Variants in EVI5 observed in about 807,000 individuals in gnomAD.
The protein encoded by EVI5 is ecotropic viral integration site 5, also known as ecotropic viral integration site 5 protein homolog.
A neutral mutation model predicts 112.0 loss-of-function variants in EVI5; 73 were observed. The ratio of observed to expected loss-of-function variants is 0.65; its 90% CI spans 0.54 to 0.79. The LOEUF (loss-of-function observed/expected upper bound fraction) is 0.79, where lower values mean the gene tolerates loss of function less well. EVI5 is among the 30% of genes least tolerant of loss of function. The pLI is 0.00. For synonymous variants in EVI5, 305 were observed against 319.9 expected, an observed-to-expected ratio of 0.95 and a Z score of 0.50; for missense variants, 900 against 968.8, an observed-to-expected ratio of 0.93 and a Z score of 0.94.
At chr1:92,625,558 A>G (rs970613447) in intron 15 of EVI5, 4 of 370,194 alleles carry the variant, frequency 1.1e-5, no homozygotes, top group South Asian at 1.3e-4. Flanking sequence ...CAATGGTACA[A>G]TGACAAAAAT....
intron 2 of EVI5, among the ~76,000 whole-genome samples, chr1:92,712,958 T>A (rs1013147928): frequency 6.6e-6 from 1 of 151,100 alleles, no homozygotes; most frequent in Non-Finnish European, 1.5e-5. Context: ...ATAAGATATA[T>A]ATATTAAGAT....
chr1:92,697,799 T>A lies in EVI5; in HGVS notation c.765+61A>T. Reference sequence around the variant, plus strand: ...AACATTAAATTTGCTTAGTTGGCACTCAGAACAAGATATAAAAAATATAAA... The same window carrying A: ...AACATTAAATTTGCTTAGTTGGCACACAGAACAAGATATAAAAAATATAAA... On this transcript the variant is annotated intron_variant, in intron 6 of 19. Transcript: ENST00000684568. 1.4e-6 allele frequency: 2 copies of A among 1,404,788 alleles called. 1 individual carries two copies. The highest frequency in any genetic ancestry group is 2.5e-5 in the South Asian group (2 of 80,402). The allele number at this position is 1,404,788 out of a possible 1,614,324, so 87.0% of individuals were successfully genotyped here. A position where few individuals can be genotyped will look rare whatever the true frequency, so the allele number is the denominator to read the frequency against.
At chr1:92,706,070 T>C (rs1671914037) in intron 2 of EVI5, among the ~76,000 whole-genome samples, 1 of 152,126 alleles carries the variant, frequency 6.6e-6, no homozygotes, top group South Asian at 2.1e-4. Context: ...ATTCTATCCT[T>C]ACTGAAGGAA....
At chr1:92,759,714 C>G (rs6676454) in intron 1 of EVI5, among the ~76,000 whole-genome samples, 139,882 of 152,184 alleles carry the variant, frequency 0.92, 64,368 homozygotes, top group East Asian at 0.97. Context: ...ATACTTATAT[C>G]ATTATATGTA....
At chr1:92,770,353 T>C (rs1383238541) in intron 1 of EVI5, among the ~76,000 whole-genome samples, 1 of 152,222 alleles carries the variant, frequency 6.6e-6, no homozygotes, top group African/African-American at 2.4e-5. Context: ...CCTCTATTGA[T>C]GGATACTTGG....
chr1:92,675,109 A>G (rs1666501982), intron 10 of EVI5, among the ~76,000 whole-genome samples: 1 of 152,226 alleles, frequency 6.6e-6, no homozygotes, highest in Admixed American at 6.5e-5. Flanking sequence ...TTGGAAGGCC[A>G]ATGCAGGTGG....
chr1:92,543,227 C>T (rs969238612), intron 19 of EVI5, among the ~76,000 whole-genome samples: 2 of 152,224 alleles, frequency 1.3e-5, no homozygotes, highest in African/African-American at 4.8e-5. Context: ...GCTAGATCTT[C>T]TGGATAACTT....
Position 92,662,702 on chromosome 1 carries a change from A to G in EVI5, c.1392+17T>C. 1 of 1,186,242 alleles carries G rather than the reference A, an allele frequency of 8.4e-7. No individual in the cohort carries two copies. The highest frequency in any genetic ancestry group is 1.1e-6 in the Non-Finnish European group (1 of 936,456). 73.5% of individuals were successfully genotyped at this position (1,186,242 alleles called of 1,614,324 possible). ...GGGGGATGAGAAAGATGAGAAAAGCACTACCAGACTCCTTACCCATTGTTG... is the reference window on the plus strand; with the variant it reads ...GGGGGATGAGAAAGATGAGAAAAGCGCTACCAGACTCCTTACCCATTGTTG... On this transcript the variant is annotated intron_variant, in intron 13 of 19. Coordinates refer to ENST00000684568, the MANE Select transcript of EVI5 (RefSeq NM_001350197.2).
At chr1:92,723,777 C>T (rs1021326123) in intron 2 of EVI5, among the ~76,000 whole-genome samples, 1 of 152,184 alleles carries the variant, frequency 6.6e-6, no homozygotes, top group African/African-American at 2.4e-5. Context: ...TATTTTTCTT[C>T]TTGCAGAAAG....
chr1:92,577,071 T>C (rs766798545), intron 18 of EVI5, among the ~76,000 whole-genome samples: 15 of 152,184 alleles, frequency 9.9e-5, no homozygotes, highest in Non-Finnish European at 1.6e-4. Context: ...GAAAATGGCA[T>C]TATCTCTATA....
In EVI5 at chr1:92,512,655, T is replaced by C. The variant is rs1365150329; in HGVS notation, c.*1001A>G. The C allele has an allele frequency of 6.6e-6, 1 of 152,178 alleles. No homozygotes were observed. The highest frequency in any genetic ancestry group is 6.5e-5 in the Admixed American group (1 of 15,280). 9.4% of individuals were successfully genotyped at this position (152,178 alleles called of 1,614,324 possible). A position where few individuals can be genotyped will look rare whatever the true frequency, so the allele number is the denominator to read the frequency against. On this transcript the variant is annotated 3_prime_UTR_variant, in exon 20 of 20. Transcript: ENST00000684568. ...GTCTGTAGTTAACCTACTACTCTAG[T>C]AACCAACACATGGAAGCATCATATG...
At chr1:92,519,682 C>T (rs907895001) in intron 19 of EVI5, among the ~76,000 whole-genome samples, 3 of 151,832 alleles carry the variant, frequency 2.0e-5, no homozygotes, top group African/African-American at 7.3e-5. Flanking sequence ...CAGCTGAGGT[C>T]GGTACTTCGA....
At chr1:92,734,119 TA>T (rs1448698928) in intron 2 of EVI5, among the ~76,000 whole-genome samples, 5 of 152,224 alleles carry the variant, frequency 3.3e-5, no homozygotes, top group Non-Finnish European at 7.3e-5. Context: ...GTATATACAT[TA>T]ATTGTAGGAA....
intron 14 of EVI5, among the ~76,000 whole-genome samples, chr1:92,630,896 G>C (rs1375904313): frequency 8.6e-5 from 13 of 151,888 alleles, no homozygotes; most frequent in Admixed American, 8.5e-4. Flanking sequence ...TGGCTAGCCA[G>C]TTTTCCCAGC....
chr1:92,712,952 G>GAT (rs895691311), intron 2 of EVI5, among the ~76,000 whole-genome samples: 12 of 150,650 alleles, frequency 8.0e-5, no homozygotes, highest in African/African-American at 1.9e-4. Flanking sequence ...ATATATATAA[G>GAT]ATATATATAT....
intron 6 of EVI5, among the ~76,000 whole-genome samples, chr1:92,695,998 T>C (rs1439016002): frequency 5.3e-5 from 8 of 152,046 alleles, no homozygotes; most frequent in Non-Finnish European, 4.4e-5. Context: ...TGGTGTGATC[T>C]TGGCTCACTG....
At chr1:92,744,372 G>A (rs1678920795) in intron 1 of EVI5, among the ~76,000 whole-genome samples, 1 of 152,038 alleles carries the variant, frequency 6.6e-6, no homozygotes, top group African/African-American at 2.4e-5. Context: ...TTTTCTGTCT[G>A]CTACACTATA....
At chr1:92,522,674 T>G (rs899145253) in intron 19 of EVI5, among the ~76,000 whole-genome samples, 1 of 144,398 alleles carries the variant, frequency 6.9e-6, no homozygotes, top group African/African-American at 2.6e-5. Flanking sequence ...TCAACAACAC[T>G]GTAAAGTTCT....
At chr1:92,609,618 A>G (rs1651266949) in intron 16 of EVI5, among the ~76,000 whole-genome samples, 2 of 152,178 alleles carry the variant, frequency 1.3e-5, no homozygotes, top group Admixed American at 1.3e-4. Flanking sequence ...TCAGCCTCCC[A>G]AAGTGCTGGG....
Sources: gnomAD v4.1 joint callset for allele counts (sites outside exome capture counted in the v4.1 genomes callset) on GRCh38, gnomAD v4.1.1 for gene constraint, MANE v1.5 for transcripts, NCBI Gene and HGNC (gene_info 2026-07-23, HGNC 2026-07-21) for gene names.